DSCAML1: variants seen among roughly 807,000 people sequenced by gnomAD.
The protein encoded by DSCAML1 is cell adhesion molecule DSCAML1.
A neutral mutation model predicts 200.5 loss-of-function variants in DSCAML1; 38 were observed. That is an observed-to-expected ratio of 0.19 (90% confidence interval 0.15 to 0.25). The LOEUF is 0.25. DSCAML1 is among the 10% of genes least tolerant of loss of function. The pLI is 1.00. For missense variants in DSCAML1, 2,223 were observed against 2,858.8 expected (o/e 0.78, Z 5.07); for synonymous variants, 1,215 against 1,165.0 (o/e 1.04, Z -0.87).
At chr11:117,551,894 C>T (rs1301869872) in intron 3 of DSCAML1, among the ~76,000 whole-genome samples, 1 of 152,098 alleles carries the variant, frequency 6.6e-6, no homozygotes, top group Non-Finnish European at 1.5e-5. Flanking sequence ...CAGAAAATTA[C>T]AGGACACGAG....
intron 1 of DSCAML1, among the ~76,000 whole-genome samples, chr11:117,782,092 CCA>C (rs913076541): frequency 6.6e-6 from 1 of 152,232 alleles, no homozygotes; most frequent in African/African-American, 2.4e-5. Flanking sequence ...AGCAAACAAA[CCA>C]CTCTGCTGCT....
In DSCAML1 at chr11:117,607,112, C is replaced by A. The variant is rs116355182; in HGVS notation, c.512-74590G>T. 8.6e-3 allele frequency among the ~76,000 whole-genome samples: 1,303 copies of A among 152,316 alleles called. 24 individuals are homozygous for A. The highest frequency in any genetic ancestry group is 0.03 in the African/African-American group (1,238 of 41,574). Reference sequence around the variant, plus strand: ...AAGAGGCACAGCAGCTGGGGGAGGGCAGCAGGGCAGGGGACTGACTCTCTT... The same window carrying A: ...AAGAGGCACAGCAGCTGGGGGAGGGAAGCAGGGCAGGGGACTGACTCTCTT... On this transcript the variant is annotated intron_variant, in intron 3 of 32. Coordinates refer to ENST00000651296, the MANE Select transcript of DSCAML1 (RefSeq NM_020693.4).
At position 117,504,185 on chromosome 11, in the gene DSCAML1, C is replaced by T. The variant is rs1344143556; in HGVS notation, c.2183-164G>A. On this transcript the variant is annotated intron_variant, in intron 10 of 32. Transcript: ENST00000651296. This position sits in a 1 kb window ranked among gnomAD's most constrained non-coding sequence, Gnocchi z 5.0. ...AGGCCACATGGCTCCTGGTGGGCAA[C>T]AGGAAAGACCCCCCCACCAGAGGAC... Among the ~76,000 whole-genome samples the T allele has an allele frequency of 6.6e-6, 1 of 152,192 alleles. No homozygotes were observed. Among genetic ancestry groups the T allele is most frequent in the South Asian group, 2.1e-4 (1 of 4,828 alleles).
chr11:117,501,602 C>T (rs1017368591), intron 11 of DSCAML1, among the ~76,000 whole-genome samples: 3 of 151,914 alleles, frequency 2.0e-5, no homozygotes, highest in South Asian at 2.1e-4. Context: ...AGAGTGGGGC[C>T]GGAATGGGAG....
intron 3 of DSCAML1, among the ~76,000 whole-genome samples, chr11:117,584,265 A>T (rs1451951494): frequency 1.3e-5 from 2 of 152,142 alleles, no homozygotes; most frequent in African/African-American, 4.8e-5. Flanking sequence ...TTTGTGCCAG[A>T]TCCTCAGACA....
intron 19 of DSCAML1, among the ~76,000 whole-genome samples, chr11:117,458,313 C>T (rs1222740309): frequency 6.6e-6 from 1 of 152,190 alleles, no homozygotes; most frequent in Non-Finnish European, 1.5e-5. Flanking sequence ...CTTGACAGTC[C>T]AGGGCCAGGA....
chr11:117,548,125 C>T (rs1024751596), intron 3 of DSCAML1, among the ~76,000 whole-genome samples: 11 of 151,874 alleles, frequency 7.2e-5, no homozygotes, highest in African/African-American at 2.4e-4. Flanking sequence ...TGGATCCCAG[C>T]GGCCGCTGTC....
rs369981758 is a variant in DSCAML1, at chr11:117,432,348, G to T, written c.5179+4C>A. Reference sequence around the variant, plus strand: ...AGGGCTGTCTCCCTGGGGATAATGCGTACTGGTTCCTGGCCGGATGTCAGA... The same window carrying T: ...AGGGCTGTCTCCCTGGGGATAATGCTTACTGGTTCCTGGCCGGATGTCAGA... On this transcript the variant is annotated splice_donor_region_variant and intron_variant, in intron 30 of 32. Coordinates refer to ENST00000651296, the MANE Select transcript of DSCAML1 (RefSeq NM_020693.4). 6.2e-7 allele frequency: 1 copy of T among 1,612,474 alleles called. No individual in the cohort carries two copies. Among genetic ancestry groups the T allele is most frequent in the Non-Finnish European group, 8.5e-7 (1 of 1,179,260 alleles).
In DSCAML1 at chr11:117,433,229, A is replaced by G. The variant is rs1168606311; in HGVS notation, c.4935T>C (p.Pro1645=). The G allele has an allele frequency of 1.2e-6, 2 of 1,612,778 alleles. No individual in the cohort carries two copies. The highest frequency in any genetic ancestry group is 3.3e-5 in the Admixed American group (2 of 59,800). The change falls in exon 29 of 33, where the codon CCT becomes CCC. Residue 1645 remains proline (P), a synonymous_variant. Coordinates refer to ENST00000651296, the MANE Select transcript of DSCAML1 (RefSeq NM_020693.4). Reference sequence around the variant, plus strand: ...GTGGGCCCTGGGGTGGCCCTTTCACAGGGGTGTCAAAGCTTCTATTGTTCT... The same window carrying G: ...GTGGGCCCTGGGGTGGCCCTTTCACGGGGGTGTCAAAGCTTCTATTGTTCT... ...ISKNNRSFDT[P]VKGPPQGPRL...
At chr11:117,659,517 T>C (rs1279737804) in intron 3 of DSCAML1, among the ~76,000 whole-genome samples, 2 of 152,208 alleles carry the variant, frequency 1.3e-5, no homozygotes, top group East Asian at 1.9e-4. Flanking sequence ...GATCTAGACC[T>C]TGCCAAGACA....
rs144738346 is a variant in DSCAML1 at position 117,517,246 on chromosome 11, T to G, written c.1511-507A>C. Among the ~76,000 whole-genome samples, 852 of 152,286 alleles carry G rather than the reference T, an allele frequency of 5.6e-3. 7 individuals are homozygous for G. The highest frequency in any genetic ancestry group is 0.019 in the African/African-American group (808 of 41,550). ...GTCTTCGCCAGGTGAGCTGATGACTTTCGTTCAACAAGTAAATGTGTATTG... is the reference window on the plus strand; with the variant it reads ...GTCTTCGCCAGGTGAGCTGATGACTGTCGTTCAACAAGTAAATGTGTATTG... On this transcript the variant is annotated intron_variant, in intron 7 of 32. Transcript: ENST00000651296.
At chr11:117,545,726 T>C (rs910888893) in intron 3 of DSCAML1, among the ~76,000 whole-genome samples, 6 of 152,104 alleles carry the variant, frequency 3.9e-5, no homozygotes, top group African/African-American at 1.4e-4. Context: ...GGGAGGAAGC[T>C]GAAGGCATCA....
At chr11:117,754,701 A>G (rs1010839343) in intron 3 of DSCAML1, among the ~76,000 whole-genome samples, 1 of 152,108 alleles carries the variant, frequency 6.6e-6, no homozygotes, top group Non-Finnish European at 1.5e-5. Context: ...AGGGAGTCAT[A>G]TGGGGAAGGA....
intron 17 of DSCAML1, among the ~76,000 whole-genome samples, chr11:117,462,314 C>A (rs1224042515): frequency 6.6e-6 from 1 of 152,226 alleles, no homozygotes; most frequent in Non-Finnish European, 1.5e-5. Context: ...CCTCTGAGAG[C>A]CACCTTTGAG....
At chr11:117,808,107 A>G (rs1006016200) in intron 1 of DSCAML1, among the ~76,000 whole-genome samples, 1 of 152,210 alleles carries the variant, frequency 6.6e-6, no homozygotes, top group Non-Finnish European at 1.5e-5. Context: ...GGCGTGAGCT[A>G]CCGCGCCCGG....
intron 3 of DSCAML1, among the ~76,000 whole-genome samples, chr11:117,617,682 A>G (rs80351015): frequency 5.9e-3 from 99 of 16,784 alleles, no homozygotes; most frequent in Non-Finnish European, 6.5e-3. Flanking sequence ...AGGTACACGC[A>G]CACACACACA....
intron 1 of DSCAML1, among the ~76,000 whole-genome samples, chr11:117,808,713 T>C (rs1434749498): frequency 6.6e-6 from 1 of 152,162 alleles, no homozygotes; most frequent in Non-Finnish European, 1.5e-5. Flanking sequence ...ACTAATACAG[T>C]GTCTGGCACA....
At chr11:117,573,900 A>G (rs1271733117) in intron 3 of DSCAML1, among the ~76,000 whole-genome samples, 1 of 152,170 alleles carries the variant, frequency 6.6e-6, no homozygotes, top group Non-Finnish European at 1.5e-5. Flanking sequence ...TCTGCCAGCT[A>G]CTGCCTCCTC....
At chr11:117,464,834 C>G (rs2137159299) in intron 17 of DSCAML1, 108 bp downstream of exon 17, 1 of 1,522,284 alleles carries the variant, frequency 6.6e-7, no homozygotes. Flanking sequence ...ACCACAGGAC[C>G]AAAATGGGGC....
Sources: gnomAD v4.1 joint callset for allele counts (sites outside exome capture counted in the v4.1 genomes callset) on GRCh38, gnomAD v4.1.1 for gene constraint, Gnocchi (gnomAD v3.1) non-coding constraint, MANE v1.5 for transcripts, NCBI Gene and HGNC (gene_info 2026-07-23, HGNC 2026-07-21) for gene names.